The following SULT2A1 variants were observed in gnomAD, a reference collection of about 807,000 sequenced individuals.
The protein encoded by SULT2A1 is sulfotransferase 2A1.
SULT2A1 carries 43 observed loss-of-function variants against 33.9 expected under a neutral mutation model. The ratio of observed to expected loss-of-function variants is 1.27; its 90% CI spans 1.00 to 1.64. The LOEUF is 1.64. Ranked by LOEUF, SULT2A1 falls within the 40% of genes most tolerant of loss-of-function variation. The pLI is 0.00. For synonymous variants in SULT2A1, 125 were observed against 113.6 expected (o/e 1.10, Z -0.64); for missense variants, 300 against 335.1 (o/e 0.90, Z 0.82).
At position 47,873,315 on chromosome 19, in the gene SULT2A1, G is replaced by A. The variant is rs1328488581; in HGVS notation, c.745+1342C>T. Among the ~76,000 whole-genome samples the A allele has an allele frequency of 4.0e-5, 6 of 150,402 alleles. 1 individual carries two copies. In the East Asian group the frequency reaches 6.1e-4, roughly 15 times the overall value. ...CTCCCGAGTAGCTGGGATTACAGGC[G>A]CCCACCACCACACTTGGCTAATTTT... On this transcript the variant is annotated intron_variant, in intron 5 of 5. Coordinates refer to ENST00000222002, the MANE Select transcript of SULT2A1 (RefSeq NM_003167.4).
chr19:47,880,399 G>A (rs1164968181), intron 3 of SULT2A1, among the ~76,000 whole-genome samples: 1 of 151,820 alleles, frequency 6.6e-6, no homozygotes, highest in South Asian at 2.1e-4. Flanking sequence ...GGATTATGGG[G>A]ATTACAATTC....
In SULT2A1 at chr19:47,882,112, T is replaced by C. The variant is rs1968610085; in HGVS notation, c.444A>G (p.Glu148=). The C allele has an allele frequency of 3.1e-6, 5 of 1,613,918 alleles. No homozygotes were observed. The highest frequency in any genetic ancestry group is 4.2e-6 in the Non-Finnish European group (5 of 1,179,966). The part of the protein sequence containing the change: ...KFIKKPKSWE[E]YFEWFCQGTV... ...TTCCTTGACAAAACCATTCAAAATA[T>C]TCTTCCCATGACTTTGGTTTCTTAA... is the stretch of plus-strand genomic sequence containing the variant. The change falls in exon 3 of 6, where the codon GAA becomes GAG. Residue 148 remains glutamate, a synonymous_variant. Transcript: ENST00000222002.
rs1182734395 is a variant in SULT2A1 at position 47,874,820 on chromosome 19, G to C, written c.582C>G (p.Thr194=). 1 of 1,613,398 alleles carries C rather than the reference G, an allele frequency of 6.2e-7. No homozygotes were observed. Among genetic ancestry groups the C allele is most frequent in the East Asian group, 2.2e-5 (1 of 44,872 alleles). Residue 194 remains threonine (T), a synonymous_variant, in exon 5 of 6, where the codon ACC becomes ACG. Coordinates refer to ENST00000222002, the MANE Select transcript of SULT2A1 (RefSeq NM_003167.4). The part of the protein sequence containing the change: ...YEELKQDTGR[T]IEKICQFLGK... ...CCAGGAATTGACAGATCTTCTCTAT[G>C]GTTCTTCCTGTGTCCTAAAAAAGAA...
chr19:47,872,205 A>G (rs1968499483), intron 5 of SULT2A1, among the ~76,000 whole-genome samples: 1 of 152,194 alleles, frequency 6.6e-6, no homozygotes, highest in Admixed American at 6.5e-5. Context: ...GGCGTGAGCC[A>G]CCACACCCGG....
Position 47,886,134 on chromosome 19 carries a change from A to G in SULT2A1, c.124T>C (p.Tyr42His), listed in dbSNP as rs1176871720. ...TCTGCCTCCTTACCTGATTTGGGGT[A>G]AGTCAATATTATTACATCTTCATCC... ...IRDEDVIILT[Y>H]PKSGTNWLAE... The change falls in exon 1 of 6, where the codon TAC becomes CAC. Residue 42 changes from tyrosine to histidine, a missense_variant. Transcript: ENST00000222002. 6 of 1,613,838 alleles carry G rather than the reference A, an allele frequency of 3.7e-6. No homozygotes were observed. The highest frequency in any genetic ancestry group is 1.6e-4 in the Middle Eastern group (1 of 6,084).
intron 5 of SULT2A1, among the ~76,000 whole-genome samples, chr19:47,872,058 C>T (rs950350874): frequency 3.9e-5 from 6 of 152,112 alleles, no homozygotes; most frequent in Admixed American, 6.6e-5. Context: ...GCTGGGATTA[C>T]AGGTGCCTAC....
At chr19:47,883,555 G>A (rs748390927) in intron 2 of SULT2A1, 22 bp downstream of exon 2, 11 of 1,609,678 alleles carry the variant, frequency 6.8e-6, no homozygotes, top group South Asian at 2.2e-5. Flanking sequence ...GATCAAACAC[G>A]TCTTAACCAT....
chr19:47,876,171 A>G (rs1020852048), intron 4 of SULT2A1, among the ~76,000 whole-genome samples: 1 of 151,818 alleles, frequency 6.6e-6, no homozygotes, highest in African/African-American at 2.4e-5. Context: ...GTGCGCCACC[A>G]CTCCCGGCTA....
chr19:47,881,801 A>T (rs1968606818), intron 3 of SULT2A1, among the ~76,000 whole-genome samples: 2 of 152,104 alleles, frequency 1.3e-5, no homozygotes. Flanking sequence ...ACTTCCAGAC[A>T]TCTAGCATTA....
In SULT2A1 at chr19:47,886,238, C is replaced by A; in HGVS notation, c.20G>T (p.Trp7Leu). The A allele has an allele frequency of 6.2e-7, 1 of 1,613,906 alleles. No individual in the cohort carries two copies. Among genetic ancestry groups the A allele is most frequent in the Non-Finnish European group, 8.5e-7 (1 of 1,179,960 alleles). MSDDFLWFEGIAFPTMG... is the reference protein window; with the variant it reads MSDDFLLFEGIAFPTMG... ...AGTAGGGAAAGCTATGCCTTCAAAC[C>A]ATAAGAAATCGTCCGACATGATGAT... Residue 7 changes from tryptophan to leucine, a missense_variant, in exon 1 of 6, where the codon TGG (tryptophan) becomes TTG (leucine). Coordinates refer to ENST00000222002, the MANE Select transcript of SULT2A1 (RefSeq NM_003167.4).
intron 4 of SULT2A1, among the ~76,000 whole-genome samples, chr19:47,876,151 G>C (rs1968541998): frequency 6.6e-6 from 1 of 152,080 alleles, no homozygotes; most frequent in African/African-American, 2.4e-5. Flanking sequence ...GAGTAGCTGG[G>C]GTTACAGGCG....
At position 47,875,326 on chromosome 19, in the gene SULT2A1, G is replaced by T. The variant is rs369608001; in HGVS notation, c.568-492C>A. 9.9e-5 allele frequency among the ~76,000 whole-genome samples: 15 copies of T among 151,792 alleles called. No homozygotes were observed. The East Asian group carries it at 2.1e-3, about 22-fold the overall frequency. ...GAAAGAAAAAAGGTAAAGAAGAGAG[G>T]GCATGAAGTATGTAAAAGATGCAAG... On this transcript the variant is annotated intron_variant, in intron 4 of 5. Transcript: ENST00000222002.
intron 4 of SULT2A1, among the ~76,000 whole-genome samples, chr19:47,876,351 T>C (rs1197750746): frequency 1.3e-5 from 2 of 152,214 alleles, no homozygotes; most frequent in East Asian, 3.8e-4. Context: ...AGGACTTTGC[T>C]TTGAATCATA....
intron 3 of SULT2A1, 140 bp downstream of exon 3, chr19:47,881,944 G>A: frequency 9.4e-7 from 1 of 1,069,056 alleles, no homozygotes; most frequent in Non-Finnish European, 1.4e-6. Context: ...GGGAGAGTAA[G>A]CGAACTTAGC....
intron 5 of SULT2A1, among the ~76,000 whole-genome samples, chr19:47,872,519 C>T (rs767719432): frequency 2.0e-5 from 3 of 152,092 alleles, no homozygotes; most frequent in Non-Finnish European, 4.4e-5. Flanking sequence ...CTCCTTGGAA[C>T]GCTGCTCTCT....
rs1195308586 is a variant in SULT2A1 at position 47,875,044 on chromosome 19, C to T, written c.568-210G>A. Among the ~76,000 whole-genome samples the T allele has an allele frequency of 2.0e-5, 3 of 149,920 alleles. No individual in the cohort carries two copies. The Admixed American group carries it at 2.0e-4, about 10-fold the overall frequency. ...GGGTGTGGTGGTGGGCGCCGGTAAT[C>T]CCAGCTACTCGGGAGGTTGGGGGAG... is the stretch of plus-strand genomic sequence containing the variant. On this transcript the variant is annotated intron_variant, in intron 4 of 5. Coordinates refer to ENST00000222002, the MANE Select transcript of SULT2A1 (RefSeq NM_003167.4).
chr19:47,883,434 T>C (rs531454440), intron 2 of SULT2A1, 143 bp downstream of exon 2: 1 of 789,676 alleles, frequency 1.3e-6, no homozygotes, highest in Non-Finnish European at 2.1e-6. Flanking sequence ...GCCACATAGG[T>C]GTCACCTAAT....
chr19:47,876,768 TA>T (rs34642376), intron 4 of SULT2A1, among the ~76,000 whole-genome samples: 12,321 of 85,292 alleles, frequency 0.14, 630 homozygotes, highest in East Asian at 0.24. Flanking sequence ...AGACTCTGTC[TA>T]AAAAAAAAAA....
At chr19:47,872,426 T>C (rs1165551147) in intron 5 of SULT2A1, among the ~76,000 whole-genome samples, 1 of 152,082 alleles carries the variant, frequency 6.6e-6, no homozygotes, top group Non-Finnish European at 1.5e-5. Context: ...TCTCCGTCAC[T>C]CTACTCACAC....
Sources: gnomAD v4.1 joint callset for allele counts (sites outside exome capture counted in the v4.1 genomes callset) on GRCh38, gnomAD v4.1.1 for gene constraint, MANE v1.5 for transcripts, NCBI Gene and HGNC (gene_info 2026-07-23, HGNC 2026-07-21) for gene names.